The following FBXL17 variants were observed in gnomAD, a reference collection of about 807,000 sequenced individuals.
FBXL17 encodes F-box and leucine rich repeat protein 17, also known as F-box/LRR-repeat protein 17.
A neutral mutation model predicts 66.2 loss-of-function variants in FBXL17; 22 were observed. That is an observed-to-expected ratio of 0.33 (90% CI 0.24 to 0.47). FBXL17 has a LOEUF of 0.47. Among genes scored for constraint, FBXL17 ranks in the 20% least tolerant of loss-of-function variants. The probability of loss-of-function intolerance (pLI) is 1.00; values close to 1 mark genes in which losing one functional copy is unlikely to be tolerated. For synonymous variants in FBXL17, 474 were observed against 400.5 expected, an observed-to-expected ratio of 1.18 and a Z score of -2.19; for missense variants, 878 against 948.2, an observed-to-expected ratio of 0.93 and a Z score of 0.97.
At chr5:108,070,027 C>A (rs981765694) in intron 6 of FBXL17, among the ~76,000 whole-genome samples, 7 of 152,166 alleles carry the variant, frequency 4.6e-5, no homozygotes, top group African/African-American at 1.7e-4. Context: ...TCTCTGGACA[C>A]ATGGCATATA....
At chr5:108,232,420 T>C (rs903345064) in intron 4 of FBXL17, among the ~76,000 whole-genome samples, 3 of 152,090 alleles carry the variant, frequency 2.0e-5, no homozygotes, top group Admixed American at 2.0e-4. Flanking sequence ...TGATTAATAC[T>C]GTCAACTTGA....
intron 7 of FBXL17, among the ~76,000 whole-genome samples, chr5:107,899,947 T>TA (rs1048300217): frequency 6.9e-4 from 105 of 152,152 alleles, no homozygotes; most frequent in Middle Eastern, 6.8e-3. Context: ...CCCTAAATAT[T>TA]AAAAAAAGTA....
chr5:108,040,658 T>C (rs1045847497), intron 6 of FBXL17, among the ~76,000 whole-genome samples: 49 of 152,224 alleles, frequency 3.2e-4, no homozygotes, highest in Admixed American at 2.2e-3. Flanking sequence ...TTCTACATAA[T>C]TATTTTATAT....
chr5:108,307,398 T>G (rs1758897614), intron 4 of FBXL17, among the ~76,000 whole-genome samples: 1 of 151,968 alleles, frequency 6.6e-6, no homozygotes, highest in African/African-American at 2.4e-5. Context: ...TTCAAACTCT[T>G]AAGACTCAAG....
intron 6 of FBXL17, among the ~76,000 whole-genome samples, chr5:108,110,201 G>T (rs1749976540): frequency 6.6e-6 from 1 of 151,944 alleles, no homozygotes; most frequent in South Asian, 2.1e-4. Flanking sequence ...GGTTTACTGG[G>T]TTCAAGAACA....
At chr5:108,369,394 C>T (rs910641365) in intron 1 of FBXL17, among the ~76,000 whole-genome samples, 2 of 152,140 alleles carry the variant, frequency 1.3e-5, no homozygotes, top group Admixed American at 6.5e-5. Flanking sequence ...GCCCAACCAC[C>T]TTGGGCACAT....
intron 6 of FBXL17, among the ~76,000 whole-genome samples, chr5:108,174,205 C>T (rs533898050): frequency 6.6e-6 from 1 of 152,068 alleles, no homozygotes; most frequent in African/African-American, 2.4e-5. Flanking sequence ...TAATCTACTC[C>T]TCAATTTATT....
intron 6 of FBXL17, among the ~76,000 whole-genome samples, chr5:108,164,185 G>A (rs1455857922): frequency 6.6e-6 from 1 of 152,156 alleles, no homozygotes; most frequent in East Asian, 1.9e-4. Context: ...CAGGAAATAG[G>A]ATAAGCACAT....
At chr5:108,224,294 T>G (rs1754999273) in intron 4 of FBXL17, 66 bp from the exon 5 acceptor site, 1 of 844,684 alleles carries the variant, frequency 1.2e-6, no homozygotes, top group Admixed American at 2.1e-5. Flanking sequence ...ATTTGGCTCC[T>G]GAAAATCCTC....
intron 6 of FBXL17, among the ~76,000 whole-genome samples, chr5:108,084,405 A>G (rs533088446): frequency 1.3e-5 from 2 of 152,362 alleles, no homozygotes; most frequent in East Asian, 3.9e-4. Flanking sequence ...GTGTTAAGGT[A>G]TGAAACGGGG....
At chr5:108,251,120 A>C (rs888761782) in intron 4 of FBXL17, among the ~76,000 whole-genome samples, 1 of 152,072 alleles carries the variant, frequency 6.6e-6, no homozygotes, top group Non-Finnish European at 1.5e-5. Context: ...TCCAACTCTC[A>C]GATTAAAAAA....
intron 3 of FBXL17, among the ~76,000 whole-genome samples, chr5:108,357,958 A>T (rs541076456): frequency 6.6e-6 from 1 of 152,228 alleles, no homozygotes; most frequent in African/African-American, 2.4e-5. Flanking sequence ...TGCTGTTGTA[A>T]ATGAAATCGT....
At chr5:108,186,806 T>C (rs1753256740) in intron 5 of FBXL17, among the ~76,000 whole-genome samples, 1 of 151,846 alleles carries the variant, frequency 6.6e-6, no homozygotes, top group Non-Finnish European at 1.5e-5. Context: ...AGATTTTACT[T>C]AAGTATCCTA....
At chr5:108,077,855 A>C (rs1381753914) in intron 6 of FBXL17, among the ~76,000 whole-genome samples, 1 of 152,180 alleles carries the variant, frequency 6.6e-6, no homozygotes, top group Admixed American at 6.5e-5. Flanking sequence ...AGAATCACTA[A>C]GAAATTAAAA....
At chr5:107,864,510 C>T (rs1039439029) in intron 8 of FBXL17, among the ~76,000 whole-genome samples, 12 of 152,154 alleles carry the variant, frequency 7.9e-5, no homozygotes, top group Admixed American at 5.2e-4. Context: ...GTCCCCTTCC[C>T]ATCTCATGTT....
At chr5:108,355,172 T>C (rs6867893) in intron 3 of FBXL17, among the ~76,000 whole-genome samples, 10,384 of 151,980 alleles carry the variant, frequency 0.068, 1,204 homozygotes, top group African/African-American at 0.24. Context: ...TTCTTCAAAA[T>C]AATAATGATG....
At chr5:108,026,406 A>G (rs750776818) in intron 6 of FBXL17, among the ~76,000 whole-genome samples, 5 of 152,202 alleles carry the variant, frequency 3.3e-5, no homozygotes, top group Non-Finnish European at 5.9e-5. Flanking sequence ...TTTACAGTAT[A>G]CTTTTTTTGT....
chr5:108,126,631 G>GTCTCTCTCTCTCTC (rs140769664), intron 6 of FBXL17, among the ~76,000 whole-genome samples: 125 of 112,484 alleles, frequency 1.1e-3, no homozygotes, highest in African/African-American at 2.2e-3. Context: ...CTGTCTCTCT[G>GTCTCTCTCTCTCTC]TCTCTCTCTC....
chr5:108,236,456 T>C (rs905037916), intron 4 of FBXL17, among the ~76,000 whole-genome samples: 4 of 151,234 alleles, frequency 2.6e-5, no homozygotes, highest in African/African-American at 9.7e-5. Context: ...GAGGTTGCAG[T>C]GAGCAGAGAT....
Sources: gnomAD v4.1 joint callset for allele counts (sites outside exome capture counted in the v4.1 genomes callset) on GRCh38, gnomAD v4.1.1 for gene constraint, MANE v1.5 for transcripts, NCBI Gene and HGNC (gene_info 2026-07-23, HGNC 2026-07-21) for gene names.